Variants in KAZN observed in about 807,000 individuals in gnomAD.
KAZN encodes the protein kazrin.
KAZN carries 40 observed loss-of-function variants against 87.4 expected under a neutral mutation model. The observed-to-expected ratio is 0.46, with a 90% confidence interval of 0.36 to 0.60. KAZN has a LOEUF of 0.60. Ranked by LOEUF, KAZN falls within the 20% of genes least tolerant of loss-of-function variation. The pLI, the probability that KAZN is intolerant of heterozygous loss-of-function variation, is 0.00. For missense variants in KAZN, 898 were observed against 1,073.9 expected (o/e 0.84, Z 2.29); for synonymous variants, 466 against 458.3 (o/e 1.02, Z -0.22).
chr1:14,776,696 G>A (rs1645183515), intron 1 of KAZN, among the ~76,000 whole-genome samples: 1 of 152,132 alleles, frequency 6.6e-6, no homozygotes, highest in Non-Finnish European at 1.5e-5. Context: ...AGAGGCCTAG[G>A]TGGGAGAATT....
chr1:13,981,552 C>A (rs79492506), intron 1 of KAZN, among the ~76,000 whole-genome samples: 3,081 of 152,144 alleles, frequency 0.02, 49 homozygotes, highest in South Asian at 0.065. Context: ...AGTGAACATT[C>A]TATAGATTCC....
At chr1:14,776,765 A>G (rs556421902) in intron 1 of KAZN, among the ~76,000 whole-genome samples, 3 of 151,924 alleles carry the variant, frequency 2.0e-5, no homozygotes, top group South Asian at 4.2e-4. Context: ...TATCTCCACA[A>G]TCTGCTTTGT....
intron 2 of KAZN, among the ~76,000 whole-genome samples, chr1:14,411,511 G>A (rs1664300840): frequency 6.6e-6 from 1 of 152,216 alleles, no homozygotes; most frequent in African/African-American, 2.4e-5. Context: ...GGCCAGGCTG[G>A]TCTTGAACTC....
rs186267240 is a variant in KAZN at position 14,461,050 on chromosome 1, G to A, written c.250-137933G>A. 1.0e-3 allele frequency among the ~76,000 whole-genome samples: 156 copies of A among 152,210 alleles called. 1 individual carries two copies. Among genetic ancestry groups the A allele is most frequent in the African/African-American group, 3.4e-3 (143 of 41,526 alleles). ...TGGCTAGTTGGACTTTTTATCTGTC[G>A]CTATGGTGGCTATAAGTTTTGGAGC... On this transcript the variant is annotated intron_variant, in intron 2 of 16. Transcript: ENST00000636203.
At chr1:15,036,024 C>G (rs1368170603) in intron 3 of KAZN, among the ~76,000 whole-genome samples, 1 of 152,054 alleles carries the variant, frequency 6.6e-6, no homozygotes, top group Non-Finnish European at 1.5e-5. Context: ...CTTGGTCCCC[C>G]CTACCCACTT....
At chr1:14,524,016 T>TGTTTA (rs1229547413) in intron 2 of KAZN, among the ~76,000 whole-genome samples, 6 of 151,814 alleles carry the variant, frequency 4.0e-5, no homozygotes, top group African/African-American at 1.5e-4. Context: ...TGTTTTGTTT[T>TGTTTA]GTTTTGTTTT....
intron 1 of KAZN, among the ~76,000 whole-genome samples, chr1:14,675,234 T>C (rs1229726223): frequency 1.3e-5 from 2 of 152,066 alleles, no homozygotes; most frequent in East Asian, 1.9e-4. Context: ...GGCAGCAGGA[T>C]GGGGTTGTCT....
At chr1:14,386,371 T>G (rs1357614397) in intron 2 of KAZN, among the ~76,000 whole-genome samples, 50 of 150,912 alleles carry the variant, frequency 3.3e-4, no homozygotes, top group African/African-American at 1.0e-3. Context: ...GTTAGCTGGT[T>G]ATTTTGCTCG....
At chr1:14,528,227 A>G (rs1252830189) in intron 2 of KAZN, among the ~76,000 whole-genome samples, 3 of 149,798 alleles carry the variant, frequency 2.0e-5, no homozygotes, top group Non-Finnish European at 4.4e-5. Context: ...AGTCCCAGCT[A>G]CTCAAGAGGC....
intron 1 of KAZN, among the ~76,000 whole-genome samples, chr1:14,169,985 C>T (rs548309408): frequency 1.3e-5 from 2 of 152,312 alleles, no homozygotes; most frequent in East Asian, 3.9e-4. Flanking sequence ...CACTCTCTTC[C>T]ACAGGCTGTG....
rs1044081413 is a variant in KAZN at position 14,426,210 on chromosome 1, C to T, written c.250-172773C>T. 2.0e-5 allele frequency among the ~76,000 whole-genome samples: 3 copies of T among 152,176 alleles called. 1 individual carries two copies. The highest frequency in any genetic ancestry group is 1.5e-5 in the Non-Finnish European group (1 of 68,030). ...TATCTCTTTCTTGAATGTTCTTTCC[C>T]TAGACATGCAACTGGCTCCCATAAT... On this transcript the variant is annotated intron_variant, in intron 2 of 16. Coordinates refer to the KAZN transcript ENST00000636203.
intron 1 of KAZN, among the ~76,000 whole-genome samples, chr1:14,629,939 C>G (rs1429141103): frequency 6.6e-6 from 1 of 151,412 alleles, no homozygotes; most frequent in Admixed American, 6.6e-5. Flanking sequence ...CACCTACCCG[C>G]CCCCCTGCCA....
intron 2 of KAZN, among the ~76,000 whole-genome samples, chr1:14,419,964 G>C (rs573144598): frequency 3.3e-5 from 5 of 152,174 alleles, no homozygotes; most frequent in Non-Finnish European, 7.3e-5. Context: ...GGGAACATTA[G>C]GGGATTGCCA....
intron 1 of KAZN, among the ~76,000 whole-genome samples, chr1:14,738,319 C>T (rs760387787): frequency 9.2e-5 from 14 of 152,196 alleles, no homozygotes; most frequent in Non-Finnish European, 1.5e-4. Context: ...GAGAGGGAAG[C>T]GATCATGCTG....
At chr1:14,759,903 T>C (rs1001500814) in intron 1 of KAZN, among the ~76,000 whole-genome samples, 2 of 152,162 alleles carry the variant, frequency 1.3e-5, no homozygotes, top group Admixed American at 1.3e-4. Flanking sequence ...GCATCCTGCA[T>C]TGTGGCTCCT....
intron 2 of KAZN, among the ~76,000 whole-genome samples, chr1:14,301,233 C>T (rs1365791258): frequency 6.6e-6 from 1 of 152,158 alleles, no homozygotes; most frequent in Non-Finnish European, 1.5e-5. Context: ...AATTCACATA[C>T]CCGGTTGCAT....
At chr1:14,966,036 G>A (rs1162615884) in intron 2 of KAZN, among the ~76,000 whole-genome samples, 1 of 141,256 alleles carries the variant, frequency 7.1e-6, no homozygotes, top group Non-Finnish European at 1.5e-5. Flanking sequence ...CTTGAGTGCA[G>A]GGGCGTGACC....
At chr1:14,146,545 A>G (rs1645354883) in intron 1 of KAZN, among the ~76,000 whole-genome samples, 1 of 150,180 alleles carries the variant, frequency 6.7e-6, no homozygotes, top group South Asian at 2.1e-4. Flanking sequence ...TCAAAAAAAA[A>G]AAAAAAAAAA....
At position 14,644,002 on chromosome 1, in the gene KAZN, C is replaced by CTTT. The variant is rs34535562; in HGVS notation, c.226+44802_226+44804dup. Among the ~76,000 whole-genome samples the CTTT allele has an allele frequency of 4.9e-3, 298 of 60,356 alleles. 1 individual carries two copies. Among genetic ancestry groups the CTTT allele is most frequent in the African/African-American group, 7.6e-3 (108 of 14,304 alleles). The allele number at this position is 60,356 out of a possible 152,430, so 39.6% of individuals were successfully genotyped here. ...AATGTCTATTCATGTCCTTTGCCCACTTTTTTTTTTTTTTTTTTTTTTTTT... is the reference window on the plus strand; with the variant it reads ...AATGTCTATTCATGTCCTTTGCCCACTTTTTTTTTTTTTTTTTTTTTTTTTTTT... On this transcript the variant is annotated intron_variant, in intron 1 of 14. Coordinates refer to ENST00000376030, the MANE Select transcript of KAZN (RefSeq NM_201628.3).
Sources: allele counts gnomAD v4.1 joint callset (sites outside exome capture counted in the v4.1 genomes callset), GRCh38; gene constraint gnomAD v4.1.1; transcripts MANE v1.5; gene names NCBI Gene and HGNC (gene_info 2026-07-23, HGNC 2026-07-21).